Variants in AMOTL1 observed in about 807,000 individuals in gnomAD.
The protein encoded by AMOTL1 is angiomotin like 1.
Under a neutral mutation model 102.9 loss-of-function variants are expected in AMOTL1, and 45 were observed. The ratio of observed to expected loss-of-function variants is 0.44; its 90% CI spans 0.34 to 0.56. The LOEUF is 0.56. AMOTL1 is among the 20% of genes least tolerant of loss of function. AMOTL1 has a pLI of 0.01. For synonymous variants in AMOTL1, 481 were observed against 484.7 expected, an observed-to-expected ratio of 0.99 and a Z score of 0.10; for missense variants, 1,114 against 1,225.6, an observed-to-expected ratio of 0.91 and a Z score of 1.36.
At chr11:94,861,158 G>C (rs558503284) in intron 9 of AMOTL1, among the ~76,000 whole-genome samples, 1 of 152,220 alleles carries the variant, frequency 6.6e-6, no homozygotes, top group African/African-American at 2.4e-5. Flanking sequence ...GTATCCATGA[G>C]AGTGAGGCTT....
intron 1 of AMOTL1, among the ~76,000 whole-genome samples, chr11:94,774,914 T>G (rs1021190496): frequency 6.6e-6 from 1 of 152,236 alleles, no homozygotes; most frequent in African/African-American, 2.4e-5. Context: ...CTCTAATCAC[T>G]CTTCTTTTGT....
intron 7 of AMOTL1, among the ~76,000 whole-genome samples, chr11:94,850,970 G>T (rs77039314): frequency 1.3e-5 from 2 of 152,206 alleles, no homozygotes; most frequent in East Asian, 3.8e-4. Flanking sequence ...CTCCCCCGAT[G>T]CTAAGTAACA....
At chr11:94,831,067 T>C (rs2135662739) in intron 5 of AMOTL1, among the ~76,000 whole-genome samples, 1 of 152,366 alleles carries the variant, frequency 6.6e-6, no homozygotes, top group South Asian at 2.1e-4. Context: ...TACAAAAAGC[T>C]GTCACTGGCT....
rs143062787 is a variant in AMOTL1 at position 94,712,150 on chromosome 11, A to C, written c.-51+5553A>C. On this transcript the variant is annotated intron_variant, in intron 1 of 4. Transcript: ENST00000299004. The stretch of plus-strand genomic sequence containing the variant: ...ATTTTAGTCATTCTGATAGATGGAT[A>C]GTGATATCTCATTGTGGTTTTAATT... Among the ~76,000 whole-genome samples the C allele has an allele frequency of 1.8e-3, 281 of 152,144 alleles. 3 individuals are homozygous for C. The highest frequency in any genetic ancestry group is 6.6e-3 in the African/African-American group (275 of 41,552).
chr11:94,830,158 A>G lies in AMOTL1; in HGVS notation c.1522A>G (p.Ile508Val). 2 of 1,610,830 alleles carry G rather than the reference A, an allele frequency of 1.2e-6. No individual in the cohort carries two copies. The highest frequency in any genetic ancestry group is 1.7e-6 in the Non-Finnish European group (2 of 1,178,536). ...KAMRNKLEGE[I>V]RRLHDFNRDL... Reference sequence around the variant, plus strand: ...CATGAGAAACAAATTGGAAGGCGAGATTAGAAGACTTCATGATTTCAACAG... The same window carrying G: ...CATGAGAAACAAATTGGAAGGCGAGGTTAGAAGACTTCATGATTTCAACAG... Residue 508 changes from isoleucine (I) to valine (V), a missense_variant, in exon 5 of 13, where the codon ATT becomes GTT. By Grantham distance (29) the Ile-to-Val change is conservative. Coordinates refer to ENST00000433060, the MANE Select transcript of AMOTL1 (RefSeq NM_130847.3).
chr11:94,812,290 G>A (rs1951695852), intron 3 of AMOTL1, among the ~76,000 whole-genome samples: 1 of 152,170 alleles, frequency 6.6e-6, no homozygotes, highest in Admixed American at 6.5e-5. Context: ...CACAGCCAAT[G>A]AATGTAAGGT....
intron 3 of AMOTL1, among the ~76,000 whole-genome samples, chr11:94,755,452 G>A (rs1486294061): frequency 6.6e-6 from 1 of 152,182 alleles, no homozygotes; most frequent in Non-Finnish European, 1.5e-5. Flanking sequence ...TGTTGTATGA[G>A]TGGGGGAGGA....
At position 94,800,372 on chromosome 11, in the gene AMOTL1, C is replaced by T; in HGVS notation, c.1121+61C>T. 3 of 1,474,948 alleles carry T rather than the reference C, an allele frequency of 2.0e-6. 1 individual carries two copies. In the South Asian group the frequency reaches 4.0e-5, roughly 20 times the overall value. The allele number at this position is 1,474,948 out of a possible 1,614,324, so 91.4% of individuals were successfully genotyped here. A position where few individuals can be genotyped will look rare whatever the true frequency, so the allele number is the denominator to read the frequency against. The stretch of plus-strand genomic sequence containing the variant: ...CAAAATTCAATAGTCATGTTATTAG[C>T]ATTTATTATTTTCAGAGCAGATTAG... On this transcript the variant is annotated intron_variant, in intron 3 of 12. Coordinates refer to ENST00000433060, the MANE Select transcript of AMOTL1 (RefSeq NM_130847.3).
intron 3 of AMOTL1, chr11:94,741,020 G>T: frequency 7.8e-7 from 1 of 1,288,122 alleles, no homozygotes; most frequent in Non-Finnish European, 1.0e-6. Context: ...TTTATTTCTT[G>T]GTCGCAATTC....
chr11:94,804,442 C>T (rs923696349), intron 3 of AMOTL1, among the ~76,000 whole-genome samples: 29 of 152,138 alleles, frequency 1.9e-4, no homozygotes, highest in African/African-American at 5.3e-4. Context: ...CATGTGCCAC[C>T]GTGCCCAACT....
Position 94,864,958 on chromosome 11 carries a change from A to G in AMOTL1, c.2261+98A>G, listed in dbSNP as rs1258863982. On this transcript the variant is annotated intron_variant, in intron 10 of 12. Coordinates refer to ENST00000433060, the MANE Select transcript of AMOTL1 (RefSeq NM_130847.3). ...CTCTGTCCTGTTCTGAAAGGCTGTG[A>G]GCATGAGGTCTCCAAAAACTCTCCT... 2.1e-6 allele frequency: 3 copies of G among 1,416,628 alleles called. No individual in the cohort carries two copies. The East Asian group carries it at 7.6e-5, about 36-fold the overall frequency. The allele number at this position is 1,416,628 out of a possible 1,614,324, so 87.8% of individuals were successfully genotyped here. A position where few individuals can be genotyped will look rare whatever the true frequency, so the allele number is the denominator to read the frequency against.
chr11:94,720,837 G>T (rs1206829225), intron 1 of AMOTL1, among the ~76,000 whole-genome samples: 3 of 152,084 alleles, frequency 2.0e-5, no homozygotes, highest in African/African-American at 7.2e-5. Context: ...GAAGAAATGG[G>T]GTGCCTAGGG....
intron 1 of AMOTL1, among the ~76,000 whole-genome samples, chr11:94,770,118 T>G (rs1950924041): frequency 6.6e-6 from 1 of 152,160 alleles, no homozygotes; most frequent in African/African-American, 2.4e-5. Context: ...AGATTTCCCC[T>G]GGCTGCATAC....
chr11:94,840,016 A>G (rs1952264425), intron 6 of AMOTL1, among the ~76,000 whole-genome samples: 1 of 152,194 alleles, frequency 6.6e-6, no homozygotes, highest in African/African-American at 2.4e-5. Context: ...GCCTTGTTGG[A>G]TAATCCAGTG....
intron 1 of AMOTL1, among the ~76,000 whole-genome samples, chr11:94,711,194 T>A (rs1404419654): frequency 6.6e-6 from 1 of 152,252 alleles, no homozygotes; most frequent in African/African-American, 2.4e-5. Flanking sequence ...GTTTGACAGA[T>A]CCATCTCATT....
chr11:94,864,558 G>A (rs2135736317), intron 9 of AMOTL1, among the ~76,000 whole-genome samples, 177 bp from the exon 10 acceptor site: 1 of 152,294 alleles, frequency 6.6e-6, no homozygotes, highest in South Asian at 2.1e-4. Context: ...ATGGGCATCA[G>A]ATGAGATTGA....
At chr11:94,788,424 A>G (rs748233724) in intron 1 of AMOTL1, among the ~76,000 whole-genome samples, 52 of 152,074 alleles carry the variant, frequency 3.4e-4, no homozygotes, top group Non-Finnish European at 1.3e-4. Flanking sequence ...TGTTTTTCCC[A>G]TGTTGGGCCG....
chr11:94,729,415 C>G (rs1379647107), intron 2 of AMOTL1, among the ~76,000 whole-genome samples: 1 of 152,198 alleles, frequency 6.6e-6, no homozygotes, highest in Non-Finnish European at 1.5e-5. Flanking sequence ...GTTAGGCACT[C>G]TGTTCCTGTT....
intron 2 of AMOTL1, among the ~76,000 whole-genome samples, chr11:94,736,718 T>A (rs1212623855): frequency 1.3e-5 from 2 of 152,186 alleles, no homozygotes; most frequent in Non-Finnish European, 2.9e-5. Flanking sequence ...TGCAAATCCG[T>A]AAACTTGTGC....
Sources: gnomAD v4.1 joint callset for allele counts (sites outside exome capture counted in the v4.1 genomes callset) on GRCh38, gnomAD v4.1.1 for gene constraint, MANE v1.5 for transcripts, NCBI Gene and HGNC (gene_info 2026-07-23, HGNC 2026-07-21) for gene names.